VIRMA: variants seen among roughly 807,000 people sequenced by gnomAD.
The protein encoded by VIRMA is protein virilizer homolog.
In VIRMA, 65 loss-of-function variants were observed where a neutral mutation model predicts 182.4. The ratio of observed to expected loss-of-function variants is 0.36; its 90% CI spans 0.29 to 0.44. The LOEUF (loss-of-function observed/expected upper bound fraction) is 0.44, where lower values mean the gene tolerates loss of function less well. VIRMA is among the 20% of genes least tolerant of loss of function. VIRMA has a pLI of 1.00. For synonymous variants in VIRMA, 709 were observed against 743.1 expected (o/e 0.95, Z 0.75); for missense variants, 1,752 against 2,158.1 (o/e 0.81, Z 3.73).
chr8:94,519,940 T>C (rs944248245), intron 8 of VIRMA, among the ~76,000 whole-genome samples: 5 of 152,170 alleles, frequency 3.3e-5, no homozygotes, highest in African/African-American at 7.2e-5. Flanking sequence ...CCAGGTGCAG[T>C]TGGTCACACT....
At position 94,526,762 on chromosome 8, in the gene VIRMA, G is replaced by A. The variant is rs777152713; in HGVS notation, c.1482C>T (p.His494=). 9 of 1,613,900 alleles carry A rather than the reference G, an allele frequency of 5.6e-6. No individual in the cohort carries two copies. The highest frequency in any genetic ancestry group is 5.5e-5 in the South Asian group (5 of 91,080). Residue 494 remains histidine, a synonymous_variant, in exon 8 of 24, where the codon CAC becomes CAT. Transcript: ENST00000297591. Reference sequence around the variant, plus strand: ...CATTTAACTTAAGAGAAGATGATACGTGATCAGCAAACAGAAGTTCAAATA... The same window carrying A: ...CATTTAACTTAAGAGAAGATGATACATGATCAGCAAACAGAAGTTCAAATA... ...SGLFELLFAD[H]VSSSLKLNAF...
At position 94,526,546 on chromosome 8, in the gene VIRMA, A is replaced by C. The variant is rs1472040981; in HGVS notation, c.1698T>G (p.Ile566Met). ...CTGCTAAATGGTCACCAAGTCTTTT[A>C]ATCTCTGACAAGACTTCATAGAAAT... Reference protein sequence around the residue: ...KCHFYEVLSEIKRLGDHLAEK... With the variant: ...KCHFYEVLSEMKRLGDHLAEK... The change falls in exon 8 of 24, where the codon ATT (isoleucine) becomes ATG (methionine). Residue 566 changes from isoleucine (I) to methionine (M), a missense_variant. This residue lies in a region of VIRMA where 401 missense variants were observed against 455.1 expected (regional missense o/e 0.88). Transcript: ENST00000297591. The C allele has an allele frequency of 3.7e-6, 6 of 1,612,742 alleles. No homozygotes were observed. The Admixed American group carries it at 6.7e-5, about 18-fold the overall frequency.
intron 22 of VIRMA, among the ~76,000 whole-genome samples, chr8:94,491,141 C>A (rs998468684): frequency 3.3e-5 from 5 of 150,082 alleles, no homozygotes; most frequent in Admixed American, 3.3e-4. Flanking sequence ...CGGCGAAAAC[C>A]CATCTCTACT....
At chr8:94,518,941 T>C in intron 9 of VIRMA, 44 bp downstream of exon 9, 1 of 1,509,824 alleles carries the variant, frequency 6.6e-7, no homozygotes, top group Non-Finnish European at 8.9e-7. Flanking sequence ...GTTAATCTGA[T>C]TTTCTAACAT....
Position 94,519,053 on chromosome 8 carries a change from A to G in VIRMA, c.2445T>C (p.Val815=), listed in dbSNP as rs1337499854. ...TTTGGAGATTTTTCTCCAGACTAAAAACATGGCCAACAGCTGATCTTCCCA... is the reference window on the plus strand; with the variant it reads ...TTTGGAGATTTTTCTCCAGACTAAAGACATGGCCAACAGCTGATCTTCCCA... The part of the protein sequence containing the change: ...NPVGRSAVGH[V]FSLEKNLQSL... Residue 815 remains valine, a synonymous_variant, in exon 9 of 24, where the codon GTT becomes GTC. Coordinates refer to ENST00000297591, the MANE Select transcript of VIRMA (RefSeq NM_015496.5). 1 of 1,613,962 alleles carries G rather than the reference A, an allele frequency of 6.2e-7. No homozygotes were observed. Among genetic ancestry groups the G allele is most frequent in the East Asian group, 2.2e-5 (1 of 44,880 alleles).
rs781634253 is a variant in VIRMA at position 94,519,434 on chromosome 8, A to T, written c.2064T>A (p.Leu688=). Reference sequence around the variant, plus strand: ...GAGCACTTGTTACTGGAATTGACAGAAGCAAGGTAACCAACTCCAAGAAGT... The same window carrying T: ...GAGCACTTGTTACTGGAATTGACAGTAGCAAGGTAACCAACTCCAAGAAGT... The part of the protein sequence containing the change: ...SHHFLELVTL[L]LSIPVTSAHP... Residue 688 remains leucine (L), a synonymous_variant, in exon 9 of 24, where the codon CTT becomes CTA. Coordinates refer to ENST00000297591, the MANE Select transcript of VIRMA (RefSeq NM_015496.5). 2 of 1,527,966 alleles carry T rather than the reference A, an allele frequency of 1.3e-6. No individual in the cohort carries two copies. The highest frequency in any genetic ancestry group is 1.8e-6 in the Non-Finnish European group (2 of 1,142,720). The allele number at this position is 1,527,966 out of a possible 1,614,324, so 94.7% of individuals were successfully genotyped here.
intron 1 of VIRMA, among the ~76,000 whole-genome samples, chr8:94,549,833 C>T (rs1023406958): frequency 1.3e-5 from 2 of 152,134 alleles, no homozygotes; most frequent in South Asian, 2.1e-4. Context: ...CAGTGGCTCA[C>T]GCCTGTAATC....
intron 1 of VIRMA, among the ~76,000 whole-genome samples, chr8:94,551,849 C>G (rs114978914): frequency 0.029 from 4,387 of 152,210 alleles, 216 homozygotes; most frequent in African/African-American, 0.099. Context: ...TTCAGCCTCC[C>G]GAGTAGCTGG....
intron 16 of VIRMA, 135 bp downstream of exon 16, chr8:94,506,365 C>G (rs990004918): frequency 8.1e-5 from 48 of 593,746 alleles, no homozygotes; most frequent in Non-Finnish European, 1.3e-4. Flanking sequence ...CTTTTCCATA[C>G]ACACAAAATT....
intron 1 of VIRMA, among the ~76,000 whole-genome samples, chr8:94,545,468 AAG>A (rs1189125456): frequency 6.6e-6 from 1 of 152,208 alleles, no homozygotes; most frequent in Admixed American, 6.5e-5. Context: ...TTGTATATAA[AAG>A]AGTTTCTGTA....
chr8:94,519,501 G>C (rs547081839), intron 8 of VIRMA, 25 bp from the exon 9 acceptor site: 2 of 1,516,474 alleles, frequency 1.3e-6, no homozygotes, highest in Non-Finnish European at 1.8e-6. Flanking sequence ...ATTGATACAT[G>C]TCAAGTCAGT....
At chr8:94,494,060 G>C (rs976560169) in intron 20 of VIRMA, among the ~76,000 whole-genome samples, 1 of 151,888 alleles carries the variant, frequency 6.6e-6, no homozygotes, top group Non-Finnish European at 1.5e-5. Flanking sequence ...AGAATAAACT[G>C]TTGTTTTATG....
chr8:94,494,020 C>A (rs1439108814), intron 20 of VIRMA, among the ~76,000 whole-genome samples: 2 of 152,216 alleles, frequency 1.3e-5, no homozygotes, highest in Non-Finnish European at 2.9e-5. Flanking sequence ...CACCATAGCA[C>A]AACCATTCCT....
chr8:94,517,979 AAACAATTTTTTAGG>A (rs1414606920), intron 9 of VIRMA, 37 bp from the exon 10 acceptor site: 1 of 1,551,312 alleles, frequency 6.4e-7, no homozygotes, highest in Admixed American at 1.9e-5. Context: ...TTGGATACAA[AAACAATTTTTTAGG>A]AACAATTTTT....
intron 17 of VIRMA, chr8:94,496,694 A>G (rs140794861): frequency 3.1e-5 from 13 of 418,324 alleles, no homozygotes; most frequent in African/African-American, 1.8e-4. Flanking sequence ...AAGCAAACAT[A>G]TATTTTACTG....
intron 22 of VIRMA, 128 bp from the exon 23 acceptor site, chr8:94,490,210 A>G: frequency 3.0e-6 from 3 of 1,013,722 alleles, no homozygotes; most frequent in Non-Finnish European, 4.2e-6. Context: ...TGACTGTACT[A>G]TATAGTGGCA....
At chr8:94,552,958 G>A (rs150253373) in intron 1 of VIRMA, among the ~76,000 whole-genome samples, 1 of 152,078 alleles carries the variant, frequency 6.6e-6, no homozygotes, top group Non-Finnish European at 1.5e-5. Flanking sequence ...AGAGGCCAAA[G>A]AGAAAGGATT....
intron 4 of VIRMA, among the ~76,000 whole-genome samples, chr8:94,536,170 C>T (rs151141351): frequency 6.6e-6 from 1 of 152,300 alleles, no homozygotes; most frequent in African/African-American, 2.4e-5. Context: ...TGTTAGACTA[C>T]ACAGGGAAAC....
At chr8:94,510,364 A>G (rs1814319923) in intron 14 of VIRMA, 53 bp downstream of exon 14, 4 of 1,421,020 alleles carry the variant, frequency 2.8e-6, no homozygotes, top group East Asian at 2.4e-5. Flanking sequence ...GGGAAAAAAT[A>G]TATGTGTCAA....
Sources: gnomAD v4.1 joint callset for allele counts (sites outside exome capture counted in the v4.1 genomes callset) on GRCh38, gnomAD v4.1.1 for gene constraint, gnomAD v4.1.1 regional missense constraint, MANE v1.5 for transcripts, NCBI Gene and HGNC (gene_info 2026-07-23, HGNC 2026-07-21) for gene names.